ADGRG2: variants seen among roughly 807,000 people sequenced by gnomAD.
The protein encoded by ADGRG2 is G protein-coupled receptor 64.
A neutral mutation model predicts 74.1 loss-of-function variants in ADGRG2; 26 were observed. The ratio of observed to expected loss-of-function variants is 0.35; its 90% CI spans 0.26 to 0.49. The LOEUF is 0.49. ADGRG2 is among the 20% of genes least tolerant of loss of function. The pLI is 0.99. For synonymous variants in ADGRG2, 296 were observed against 295.2 expected (o/e 1.00, Z -0.03); for missense variants, 619 against 763.1 (o/e 0.81, Z 2.22).
intron 1 of ADGRG2, among the ~76,000 whole-genome samples, chrX:19,103,031 C>T (rs1056494500): frequency 9.0e-6 from 1 of 110,926 alleles, no homozygotes; most frequent in African/African-American, 3.3e-5. Context: ...AAGGCTGAGA[C>T]CTGTTGGGCT....
At chrX:19,002,803 G>A (rs1256118352) in intron 24 of ADGRG2, 43 bp downstream of exon 24, 2 of 1,149,306 alleles carry the variant, frequency 1.7e-6, no homozygotes, top group Admixed American at 2.3e-5. Context: ...CTAGAGAAAA[G>A]GCAGAGAAAG....
chrX:19,019,477 A>C, intron 15 of ADGRG2, 122 bp downstream of exon 15: 1 of 464,021 alleles, frequency 2.2e-6, no homozygotes, highest in Non-Finnish European at 3.8e-6. Context: ...TACTGCAGAA[A>C]ACTGCATTTT....
intron 16 of ADGRG2, among the ~76,000 whole-genome samples, chrX:19,012,421 ATTC>A (rs1398293385): frequency 9.0e-6 from 1 of 110,750 alleles, no homozygotes; most frequent in Non-Finnish European, 1.9e-5. Context: ...ATTTTACTGT[ATTC>A]TTCATCAGCC....
chrX:19,096,237 C>T (rs1936071377), intron 1 of ADGRG2, among the ~76,000 whole-genome samples: 1 of 108,258 alleles, frequency 9.2e-6, no homozygotes, highest in Non-Finnish European at 1.9e-5. Flanking sequence ...ATGGTGAAAC[C>T]CTGTCTCTAC....
At chrX:19,096,136 T>C (rs1249451785) in intron 1 of ADGRG2, among the ~76,000 whole-genome samples, 1 of 111,447 alleles carries the variant, frequency 9.0e-6, no homozygotes, top group Non-Finnish European at 1.9e-5. Context: ...CCAGGCCAGG[T>C]GCGGTGGCTC....
intron 28 of ADGRG2, among the ~76,000 whole-genome samples, chrX:18,991,498 A>G (rs1187222754): frequency 8.9e-6 from 1 of 112,520 alleles, no homozygotes; most frequent in Non-Finnish European, 1.9e-5. Context: ...AGGTTCCTAT[A>G]AAATGAAACT....
intron 20 of ADGRG2, among the ~76,000 whole-genome samples, chrX:19,006,996 A>G (rs1267396111): frequency 2.7e-5 from 3 of 110,588 alleles, no homozygotes; most frequent in Admixed American, 9.7e-5. Flanking sequence ...AGCTCAGACA[A>G]TCTGCCCGCC....
chrX:19,113,782 G>A (rs536534645), intron 1 of ADGRG2, among the ~76,000 whole-genome samples: 4 of 111,755 alleles, frequency 3.6e-5, no homozygotes, highest in Non-Finnish European at 7.5e-5. Flanking sequence ...CAAATAAAAC[G>A]TTAAGGCCGG....
intron 13 of ADGRG2, among the ~76,000 whole-genome samples, chrX:19,021,732 C>T (rs1412563819): frequency 1.8e-5 from 2 of 110,537 alleles, no homozygotes; most frequent in Non-Finnish European, 3.8e-5. Context: ...TGCAACCTCC[C>T]CGCCTCCCAG....
intron 3 of ADGRG2, among the ~76,000 whole-genome samples, chrX:19,046,466 CTTTA>C (rs1483248655): frequency 8.9e-6 from 1 of 112,359 alleles, no homozygotes; most frequent in Non-Finnish European, 1.9e-5. Context: ...CTGCTTGATG[CTTTA>C]TTTATTACCT....
At chrX:19,118,652 T>C (rs1173260078) in intron 1 of ADGRG2, among the ~76,000 whole-genome samples, 1 of 112,107 alleles carries the variant, frequency 8.9e-6, no homozygotes, top group African/African-American at 3.2e-5. Context: ...GCCTCCTGAG[T>C]AGCTGGGAAT....
intron 2 of ADGRG2, among the ~76,000 whole-genome samples, chrX:19,079,598 C>CT (rs1235683770): frequency 8.9e-6 from 1 of 112,116 alleles, no homozygotes; most frequent in Non-Finnish European, 1.9e-5. Flanking sequence ...AATAGGAACT[C>CT]TAAAACAGCA....
intron 15 of ADGRG2, among the ~76,000 whole-genome samples, chrX:19,018,134 A>T (rs866044614): frequency 1.9e-5 from 2 of 106,176 alleles, no homozygotes; most frequent in African/African-American, 7.5e-5. Context: ...TTTTATTTTT[A>T]TTTTTTTTGA....
chrX:19,028,376 C>T (rs184353021), intron 9 of ADGRG2, 138 bp from the exon 10 acceptor site: 7 of 342,043 alleles, frequency 2.0e-5, no homozygotes, highest in Admixed American at 1.2e-4. Context: ...CAGTAAGTTA[C>T]TCAACTATTA....
chrX:19,005,316 A>G (rs1601861924), intron 22 of ADGRG2, among the ~76,000 whole-genome samples: 1 of 112,556 alleles, frequency 8.9e-6, no homozygotes, highest in African/African-American at 3.2e-5. Flanking sequence ...CCTATCTTGC[A>G]GGACTGTTGG....
rs1254203666 is a variant in ADGRG2 at position 19,073,725 on chromosome X, GTGT to G, written c.-1-4893_-1-4891del. Among the ~76,000 whole-genome samples, 4 of 111,898 alleles carry G rather than the reference GTGT, an allele frequency of 3.6e-5. No individual in the cohort carries two copies. The Admixed American group carries it at 3.8e-4, about 11-fold the overall frequency. On this transcript the variant is annotated intron_variant, in intron 2 of 28. Transcript: ENST00000379869. ...CTTGATACCACCATAGGGCAGGTCT[GTGT>G]GAGGGTTATTCTCTGTTATCTCTGG...
rs191084281 is a variant in ADGRG2, at chrX:19,112,307, C to T, written c.-47+10135G>A. Among the ~76,000 whole-genome samples the T allele has an allele frequency of 4.5e-5, 5 of 110,639 alleles. No homozygotes were observed. In the East Asian group the frequency reaches 8.5e-4, roughly 19 times the overall value. ...CAGGCTGGTCTGGAACTCCTGGGCT[C>T]AACTGATCCTCCAAGTAAGCCTCCC... On this transcript the variant is annotated intron_variant, in intron 1 of 28. Coordinates refer to ENST00000379869, the MANE Select transcript of ADGRG2 (RefSeq NM_001079858.3).
At chrX:19,052,947 G>A (rs894258548) in intron 3 of ADGRG2, among the ~76,000 whole-genome samples, 2 of 111,236 alleles carry the variant, frequency 1.8e-5, no homozygotes, top group Admixed American at 9.6e-5. Context: ...CGCTTGCCTC[G>A]GCCTCCCAAA....
chrX:19,098,347 G>C (rs1350059237), intron 1 of ADGRG2, among the ~76,000 whole-genome samples: 1 of 111,588 alleles, frequency 9.0e-6, no homozygotes, highest in Admixed American at 9.6e-5. Flanking sequence ...AAGTTATATG[G>C]TTAGATTAGA....
Sources: allele counts gnomAD v4.1 joint callset (sites outside exome capture counted in the v4.1 genomes callset), GRCh38; gene constraint gnomAD v4.1.1; transcripts MANE v1.5; gene names NCBI Gene and HGNC (gene_info 2026-07-23, HGNC 2026-07-21).